The following PODXL variants were observed in gnomAD, a reference collection of about 807,000 sequenced individuals.
PODXL encodes the protein podocalyxin like.
A neutral mutation model predicts 48.9 loss-of-function variants in PODXL; 20 were observed. The observed-to-expected ratio is 0.41, with a 90% CI of 0.29 to 0.59. The LOEUF is 0.59. Ranked by LOEUF, PODXL falls within the 20% of genes least tolerant of loss-of-function variation. The pLI is 0.31. For synonymous variants in PODXL, 295 were observed against 287.4 expected, an observed-to-expected ratio of 1.03 and a Z score of -0.27; for missense variants, 606 against 675.1, an observed-to-expected ratio of 0.90 and a Z score of 1.13.
chr7:131,556,349 G>T lies in PODXL; in HGVS notation c.11C>A (p.Ala4Glu). The T allele has an allele frequency of 6.9e-7, 1 of 1,447,086 alleles. No homozygotes were observed. The highest frequency in any genetic ancestry group is 9.1e-7 in the Non-Finnish European group (1 of 1,101,030). 89.6% of individuals were successfully genotyped at this position (1,447,086 alleles called of 1,614,324 possible). Residue 4 changes from alanine (A) to glutamate (E), a missense_variant, in exon 1 of 9, where the codon GCG becomes GAG. Physicochemically the swap from Ala to Glu is moderately radical, Grantham distance 107. Coordinates refer to ENST00000378555, the MANE Select transcript of PODXL (RefSeq NM_001018111.3). MRCALALSALLLLL... is the reference protein window; with the variant it reads MRCELALSALLLLL... The stretch of plus-strand genomic sequence containing the variant: ...TAGCAGCAGCGCCGAGAGCGCCAGC[G>T]CGCAGCGCATCGTGTCGTCGCCTCT...
intron 1 of PODXL, among the ~76,000 whole-genome samples, chr7:131,549,484 TAAG>T (rs1298469353): frequency 1.3e-5 from 2 of 152,076 alleles, no homozygotes; most frequent in Non-Finnish European, 2.9e-5. Context: ...GAATTTCAGG[TAAG>T]AAGGAGCTGT....
At position 131,524,375 on chromosome 7, in the gene PODXL, CACACAGAGAGAGAG is replaced by C. The variant is rs1385212173; in HGVS notation, c.101-12956_101-12943del. 2.8e-4 allele frequency among the ~76,000 whole-genome samples: 7 copies of C among 25,342 alleles called. No homozygotes were observed. In the East Asian group the frequency reaches 0.014, roughly 49 times the overall value. The allele number at this position is 25,342 out of a possible 152,430, so 16.6% of individuals were successfully genotyped here. A position where few individuals can be genotyped will look rare whatever the true frequency, so the allele number is the denominator to read the frequency against. On this transcript the variant is annotated intron_variant, in intron 1 of 8. Coordinates refer to ENST00000378555, the MANE Select transcript of PODXL (RefSeq NM_001018111.3). ...ACACACACACACGCACACACACACA[CACACAGAGAGAGAG>C]AGAGAGAGAGAGAGAGAGAAAACAA...
Position 131,504,409 on chromosome 7 carries a change from CCTT to C in PODXL, c.1576_1578del (p.Lys526del), listed in dbSNP as rs769382107. ...CCCAGCTCCCCGTTGAGGCTGACCACCTTCTTCTCCTGCATCTCAGAAGAGGTC... is the reference window on the plus strand; with the variant it reads ...CCCAGCTCCCCGTTGAGGCTGACCACCTTCTCCTGCATCTCAGAAGAGGTC... On this transcript the variant is annotated inframe_deletion, in exon 9 of 9. Transcript: ENST00000378555. The C allele has an allele frequency of 3.6e-5, 58 of 1,614,080 alleles. 1 individual carries two copies. The highest frequency in any genetic ancestry group is 3.1e-4 in the African/African-American group (23 of 74,942).
At chr7:131,546,513 G>A (rs970884349) in intron 1 of PODXL, among the ~76,000 whole-genome samples, 1 of 151,950 alleles carries the variant, frequency 6.6e-6, no homozygotes, top group Admixed American at 6.6e-5. Flanking sequence ...ATCACTTGAG[G>A]CCGGGAATTC....
At chr7:131,554,337 T>A (rs543792499) in intron 1 of PODXL, among the ~76,000 whole-genome samples, 2 of 152,152 alleles carry the variant, frequency 1.3e-5, no homozygotes, top group Admixed American at 1.3e-4. Flanking sequence ...CCTCTCCCCA[T>A]CCCCCACTTA....
At chr7:131,527,749 G>A (rs567146837) in intron 1 of PODXL, among the ~76,000 whole-genome samples, 1 of 152,202 alleles carries the variant, frequency 6.6e-6, no homozygotes, top group Non-Finnish European at 1.5e-5. Flanking sequence ...TTTCCTTTTC[G>A]AAGGTAGGAG....
chr7:131,509,470 TCTC>T lies in PODXL; in HGVS notation c.915_917del (p.Arg306del). ...TCATGGTCTCTGGCAGGGTAGGTGT[TCTC>T]AATGCCGTTGCCGGGCTCGTGGGCT... is the stretch of plus-strand genomic sequence containing the variant. On this transcript the variant is annotated inframe_deletion, in exon 4 of 9. Transcript: ENST00000378555. The T allele has an allele frequency of 6.2e-7, 1 of 1,613,892 alleles. No individual in the cohort carries two copies. Among genetic ancestry groups the T allele is most frequent in the Non-Finnish European group, 8.5e-7 (1 of 1,179,916 alleles).
intron 1 of PODXL, among the ~76,000 whole-genome samples, chr7:131,533,606 C>T (rs1255279497): frequency 6.6e-6 from 1 of 152,184 alleles, no homozygotes; most frequent in Admixed American, 6.5e-5. Context: ...GTGGCCAGAT[C>T]ACCTGTAAGA....
intron 6 of PODXL, 51 bp from the exon 7 acceptor site, chr7:131,506,372 G>A: frequency 6.3e-7 from 1 of 1,586,962 alleles, no homozygotes; most frequent in Non-Finnish European, 8.7e-7. Context: ...GCGAGGCAGT[G>A]GGGGACGGGG....
In PODXL at chr7:131,503,800, C is replaced by G. The variant is rs533051229; in HGVS notation, c.*511G>C. 2.5e-4 allele frequency: 40 copies of G among 160,078 alleles called. No homozygotes were observed. Among genetic ancestry groups the G allele is most frequent in the Admixed American group, 1.6e-3 (26 of 16,374 alleles). The allele number at this position is 160,078 out of a possible 1,614,324, so 9.9% of individuals were successfully genotyped here. Reference sequence around the variant, plus strand: ...GGACTTTCAGGTCGTCAGATCCCACCGAGCCAGGATGTAGCCCTGCCCTCC... The same window carrying G: ...GGACTTTCAGGTCGTCAGATCCCACGGAGCCAGGATGTAGCCCTGCCCTCC... On this transcript the variant is annotated 3_prime_UTR_variant, in exon 9 of 9. Transcript: ENST00000378555.
At chr7:131,512,717 C>T (rs1191268840) in intron 1 of PODXL, among the ~76,000 whole-genome samples, 5 of 152,142 alleles carry the variant, frequency 3.3e-5, no homozygotes, top group Admixed American at 6.6e-5. Flanking sequence ...GTGGCTCATG[C>T]CTTTAATCCC....
intron 1 of PODXL, among the ~76,000 whole-genome samples, chr7:131,555,552 C>T (rs1334315491): frequency 1.3e-5 from 2 of 152,098 alleles, no homozygotes; most frequent in Non-Finnish European, 2.9e-5. Context: ...AACAAGTTCC[C>T]GTTTGAACAA....
chr7:131,532,252 G>C (rs1440196876), intron 1 of PODXL, among the ~76,000 whole-genome samples: 2 of 150,290 alleles, frequency 1.3e-5, no homozygotes, highest in African/African-American at 4.9e-5. Context: ...TGGCTAACAC[G>C]GTGAAACCCC....
chr7:131,508,381 G>C (rs1797845925), intron 5 of PODXL, among the ~76,000 whole-genome samples: 1 of 152,210 alleles, frequency 6.6e-6, no homozygotes, highest in Non-Finnish European at 1.5e-5. Flanking sequence ...TGAAGCCACA[G>C]ACGATTAAAG....
At chr7:131,523,024 A>G (rs140021993) in intron 1 of PODXL, among the ~76,000 whole-genome samples, 204 of 152,260 alleles carry the variant, frequency 1.3e-3, no homozygotes, top group African/African-American at 4.8e-3. Flanking sequence ...CATGTTTTCA[A>G]TTTCCCTTGG....
In PODXL at chr7:131,503,190, A is replaced by G. The variant is rs1797739015; in HGVS notation, c.*1121T>C. On this transcript the variant is annotated 3_prime_UTR_variant, in exon 9 of 9. Transcript: ENST00000378555. ...TGAGTTTCCTATGATATACAGGGGA[A>G]AGCCTGTCCTTCCTGGCTGCTTTAA... 1 of 152,662 alleles carries G rather than the reference A, an allele frequency of 6.6e-6. No homozygotes were observed. The highest frequency in any genetic ancestry group is 2.4e-5 in the African/African-American group (1 of 41,458). 9.5% of individuals were successfully genotyped at this position (152,662 alleles called of 1,614,324 possible).
chr7:131,523,884 C>T (rs1562909463), intron 1 of PODXL, among the ~76,000 whole-genome samples: 1 of 150,934 alleles, frequency 6.6e-6, no homozygotes, highest in East Asian at 2.0e-4. Context: ...CCTCAACCTC[C>T]GCCTCCCGGG....
At chr7:131,534,876 C>T (rs987120735) in intron 1 of PODXL, among the ~76,000 whole-genome samples, 3 of 152,014 alleles carry the variant, frequency 2.0e-5, no homozygotes, top group African/African-American at 7.2e-5. Context: ...ATGGTGAAAC[C>T]CTGTCTCTAC....
In PODXL at chr7:131,511,352, G is replaced by C. The variant is rs200314792; in HGVS notation, c.182C>G (p.Ala61Gly). 6.5e-5 allele frequency: 105 copies of C among 1,611,028 alleles called. 1 individual carries two copies. In the South Asian group the frequency reaches 6.8e-4, roughly 10 times the overall value. The change falls in exon 2 of 9, where the codon GCC (alanine) becomes GGC (glycine). Residue 61 changes from alanine (A) to glycine (G), a missense_variant. Physicochemically the swap from Ala to Gly is moderately conservative, Grantham distance 60. Coordinates refer to ENST00000378555, the MANE Select transcript of PODXL (RefSeq NM_001018111.3). ...SSVTIMATDT[A>G]QQSTVPTSKA... is the part of the protein sequence containing the mutation. ...GGAAGTGGGGACTGTGCTCTGCTGG[G>C]CTGTATCTGTAGCCATGATGGTGAC...
Sources: allele counts gnomAD v4.1 joint callset (sites outside exome capture counted in the v4.1 genomes callset), GRCh38; gene constraint gnomAD v4.1.1; transcripts MANE v1.5; gene names NCBI Gene and HGNC (gene_info 2026-07-23, HGNC 2026-07-21).